Variants in BRSK1 observed in about 807,000 individuals in gnomAD.
BRSK1 encodes serine/threonine-protein kinase BRSK1.
A neutral mutation model predicts 86.2 loss-of-function variants in BRSK1; 17 were observed. The observed-to-expected ratio is 0.20, with a 90% CI of 0.14 to 0.30. BRSK1 has a LOEUF of 0.30. Among genes scored for constraint, BRSK1 ranks in the 10% least tolerant of loss-of-function variants. The pLI, the probability that BRSK1 is intolerant of heterozygous loss-of-function variation, is 1.00. For synonymous variants in BRSK1, 464 were observed against 440.1 expected, an observed-to-expected ratio of 1.05 and a Z score of -0.68; for missense variants, 719 against 1,071.9, an observed-to-expected ratio of 0.67 and a Z score of 4.60.
At chr19:55,298,633 C>T (rs148949090) in intron 7 of BRSK1, among the ~76,000 whole-genome samples, 2,261 of 152,338 alleles carry the variant, frequency 0.015, 21 homozygotes, top group Non-Finnish European at 0.021. Flanking sequence ...GAGCCGCCCA[C>T]CCAAGGTGCA....
rs758019189 is a variant in BRSK1 at position 55,294,196 on chromosome 19, A to T, written c.576-18A>T. The T allele has an allele frequency of 1.1e-5, 17 of 1,613,238 alleles. No homozygotes were observed. Among genetic ancestry groups the T allele is most frequent in the Non-Finnish European group, 1.4e-5 (16 of 1,179,468 alleles). The stretch of plus-strand genomic sequence containing the variant: ...GTTTAGAAGCTGGCTGGAGGCTCAC[A>T]TCAGCTCTCTCCCTCAGGTCCCCCC... On this transcript the variant is annotated intron_variant, in intron 5 of 18. Transcript: ENST00000309383. The surrounding 1 kb of genome is among the most constrained non-coding windows in gnomAD (Gnocchi z 4.9).
intron 17 of BRSK1, among the ~76,000 whole-genome samples, chr19:55,307,322 G>A (rs144113539): frequency 6.6e-6 from 1 of 151,926 alleles, no homozygotes; most frequent in East Asian, 1.9e-4. Context: ...CACTTTGGGA[G>A]GCTGAGACGA....
chr19:55,302,352 G>A lies in BRSK1; in HGVS notation c.857+184G>A. The A allele has an allele frequency of 2.8e-6, 2 of 722,896 alleles. No individual in the cohort carries two copies. The highest frequency in any genetic ancestry group is 1.6e-5 in the South Asian group (1 of 63,246). 44.8% of individuals were successfully genotyped at this position (722,896 alleles called of 1,614,324 possible). On this transcript the variant is annotated intron_variant, in intron 9 of 18. Coordinates refer to ENST00000309383, the MANE Select transcript of BRSK1 (RefSeq NM_032430.2). This position sits in a 1 kb window ranked among gnomAD's most constrained non-coding sequence, Gnocchi z 6.3. ...GAAGGAGTCTAGGGGTCAGAGGCAG[G>A]AGGGGCTAAGCTAGGAGTCCAGGAC... is the stretch of plus-strand genomic sequence containing the variant.
rs2088717095 is a variant in BRSK1, at chr19:55,308,833, G to A, written c.2179+105G>A. The A allele has an allele frequency of 1.0e-5, 4 of 394,232 alleles. 1 individual carries two copies. Among genetic ancestry groups the A allele is most frequent in the Non-Finnish European group, 9.0e-6 (2 of 221,108 alleles). The allele number at this position is 394,232 out of a possible 1,614,324, so 24.4% of individuals were successfully genotyped here. Reference sequence around the variant, plus strand: ...GTGGGTGGCGGGGGGCGTGGGTGGCGGGGGCGGTGGGTGGCGGGCAGAGGT... The same window carrying A: ...GTGGGTGGCGGGGGGCGTGGGTGGCAGGGGCGGTGGGTGGCGGGCAGAGGT... On this transcript the variant is annotated intron_variant, in intron 18 of 18. Coordinates refer to ENST00000309383, the MANE Select transcript of BRSK1 (RefSeq NM_032430.2).
intron 17 of BRSK1, among the ~76,000 whole-genome samples, chr19:55,308,366 G>A (rs951989026): frequency 1.3e-5 from 2 of 152,026 alleles, no homozygotes; most frequent in South Asian, 2.1e-4. Flanking sequence ...CATGGCCTCC[G>A]CTAGAAACTA....
chr19:55,301,778 T>A, intron 8 of BRSK1, 120 bp downstream of exon 8: 1 of 1,252,260 alleles, frequency 8.0e-7, no homozygotes, highest in Non-Finnish European at 1.1e-6. Flanking sequence ...GTGACTGGGA[T>A]CGCCAGCTGA....
Position 55,284,284 on chromosome 19 carries a change from G to T in BRSK1, c.-159G>T. 2 of 587,414 alleles carry T rather than the reference G, an allele frequency of 3.4e-6. No homozygotes were observed. The highest frequency in any genetic ancestry group is 1.7e-4 in the South Asian group (2 of 11,662). 36.4% of individuals were successfully genotyped at this position (587,414 alleles called of 1,614,324 possible). On this transcript the variant is annotated 5_prime_UTR_variant, in exon 1 of 19. Coordinates refer to ENST00000309383, the MANE Select transcript of BRSK1 (RefSeq NM_032430.2). ...CCCTCCCCCAGCTCCGCGGCCCGCC[G>T]ACTGGGGGGGGCCAGCCCAGCCCCC...
At chr19:55,288,930 C>T (rs144515723) in intron 3 of BRSK1, among the ~76,000 whole-genome samples, 4 of 152,292 alleles carry the variant, frequency 2.6e-5, no homozygotes, top group African/African-American at 7.2e-5. Flanking sequence ...GAGTTGTCGT[C>T]TATTGCCTCA....
At position 55,311,910 on chromosome 19, in the gene BRSK1, G is replaced by C. The variant is rs781037937; in HGVS notation, c.2180-1G>C. The C allele has an allele frequency of 6.2e-7, 1 of 1,611,316 alleles. No individual in the cohort carries two copies. The highest frequency in any genetic ancestry group is 8.5e-7 in the Non-Finnish European group (1 of 1,178,994). The stretch of plus-strand genomic sequence containing the variant: ...ACGAAAAACCTCTTCCTCCCTTGCA[G>C]ACGAGAAGAACGGGGCCCAGACCCG... On this transcript the variant is annotated splice_acceptor_variant, in intron 18 of 18. Transcript: ENST00000309383. LOFTEE classifies it high-confidence loss of function.
In BRSK1 at chr19:55,312,313, T is replaced by A. The variant is rs1202760103; in HGVS notation, c.*245T>A. 1 of 193,498 alleles carries A rather than the reference T, an allele frequency of 5.2e-6. No homozygotes were observed. The highest frequency in any genetic ancestry group is 9.9e-6 in the Non-Finnish European group (1 of 100,582). The allele number at this position is 193,498 out of a possible 1,614,324, so 12.0% of individuals were successfully genotyped here. On this transcript the variant is annotated 3_prime_UTR_variant, in exon 19 of 19. Coordinates refer to ENST00000309383, the MANE Select transcript of BRSK1 (RefSeq NM_032430.2). Reference sequence around the variant, plus strand: ...ATTTATTATTTTATTTATTGATCAATCTCTCTGCGGGGTGGGGTGGGGGAG... The same window carrying A: ...ATTTATTATTTTATTTATTGATCAAACTCTCTGCGGGGTGGGGTGGGGGAG...
In BRSK1 at chr19:55,294,790, C is replaced by T. The variant is rs779301838; in HGVS notation, c.678+393C>T. Among the ~76,000 whole-genome samples, 1 of 151,638 alleles carries T rather than the reference C, an allele frequency of 6.6e-6. No homozygotes were observed. Among genetic ancestry groups the T allele is most frequent in the Non-Finnish European group, 1.5e-5 (1 of 67,958 alleles). ...GTGCTGGGATTCCAGGTGTGAGCCACTGAACCCGGCCTATTTATTTATGTA... is the reference window on the plus strand; with the variant it reads ...GTGCTGGGATTCCAGGTGTGAGCCATTGAACCCGGCCTATTTATTTATGTA... On this transcript the variant is annotated intron_variant, in intron 7 of 18. Coordinates refer to ENST00000309383, the MANE Select transcript of BRSK1 (RefSeq NM_032430.2). This position sits in a 1 kb window ranked among gnomAD's most constrained non-coding sequence, Gnocchi z 4.9.
At chr19:55,290,874 C>T (rs1370972258) in intron 4 of BRSK1, among the ~76,000 whole-genome samples, 1 of 151,994 alleles carries the variant, frequency 6.6e-6, no homozygotes, top group Non-Finnish European at 1.5e-5. Flanking sequence ...ATCTCCTGAC[C>T]TCGTAATCCG....
At chr19:55,301,394 C>A in intron 7 of BRSK1, 118 bp from the exon 8 acceptor site, 1 of 1,273,788 alleles carries the variant, frequency 7.9e-7, no homozygotes, top group Non-Finnish European at 1.1e-6. Flanking sequence ...AATTGCTGAG[C>A]CTCTCTGTGC....
At chr19:55,299,807 G>A (rs1421242697) in intron 7 of BRSK1, among the ~76,000 whole-genome samples, 1 of 152,086 alleles carries the variant, frequency 6.6e-6, no homozygotes, top group Non-Finnish European at 1.5e-5. Flanking sequence ...TCAAACCCAG[G>A]CTTCCGCACC....
At chr19:55,285,385 G>T (rs1018354317) in intron 1 of BRSK1, among the ~76,000 whole-genome samples, 1 of 152,118 alleles carries the variant, frequency 6.6e-6, no homozygotes, top group East Asian at 1.9e-4. Context: ...CAGGGCCAGG[G>T]AGGGGATGGA....
intron 7 of BRSK1, among the ~76,000 whole-genome samples, chr19:55,295,336 C>T (rs931390429): frequency 3.3e-5 from 5 of 152,026 alleles, no homozygotes; most frequent in Non-Finnish European, 7.4e-5. Flanking sequence ...TTTCCCTGGT[C>T]GGTCTCAAAC....
chr19:55,295,840 A>T, intron 7 of BRSK1, among the ~76,000 whole-genome samples: 2 of 150,638 alleles, frequency 1.3e-5, no homozygotes, highest in South Asian at 4.2e-4. Flanking sequence ...TTGGTGGCGC[A>T]TGCCTGTAGT....
At chr19:55,293,976 G>A in intron 4 of BRSK1, 41 bp from the exon 5 acceptor site, 1 of 1,555,952 alleles carries the variant, frequency 6.4e-7, no homozygotes, top group Non-Finnish European at 8.8e-7. Context: ...TGGGCCTCCT[G>A]GGAGGAAGGA....
chr19:55,286,050 G>GACGCCTGGGCCTGCAGCTTTAGGGGCT (rs2088307577), intron 1 of BRSK1, among the ~76,000 whole-genome samples: 2 of 119,040 alleles, frequency 1.7e-5, no homozygotes, highest in Admixed American at 1.7e-4. Flanking sequence ...TGGGGGTCTG[G>GACGCCTGGGCCTGCAGCTTTAGGGGCT]AGTGCTGGGT....
Sources: gnomAD v4.1 joint callset for allele counts (sites outside exome capture counted in the v4.1 genomes callset) on GRCh38, gnomAD v4.1.1 for gene constraint, Gnocchi (gnomAD v3.1) non-coding constraint, MANE v1.5 for transcripts, NCBI Gene and HGNC (gene_info 2026-07-23, HGNC 2026-07-21) for gene names.